Variants in SPAG16 observed in about 807,000 individuals in gnomAD.
SPAG16 encodes sperm associated antigen 16, also known as sperm-associated antigen 16 protein.
A neutral mutation model predicts 80.4 loss-of-function variants in SPAG16; 86 were observed. The ratio of observed to expected loss-of-function variants is 1.07; its 90% CI spans 0.90 to 1.28. The LOEUF (loss-of-function observed/expected upper bound fraction) is 1.28, where lower values mean the gene tolerates loss of function less well. Among genes scored for constraint, SPAG16 ranks in the 50% most tolerant of loss-of-function variants. SPAG16 has a pLI of 0.00. For synonymous variants in SPAG16, 294 were observed against 265.9 expected (o/e 1.11, Z -1.03); for missense variants, 870 against 765.3 (o/e 1.14, Z -1.61).
chr2:213,970,278 A>G (rs1299735963), intron 12 of SPAG16, among the ~76,000 whole-genome samples: 1 of 143,376 alleles, frequency 7.0e-6, no homozygotes, highest in East Asian at 2.1e-4. Flanking sequence ...AAGTAATGCT[A>G]AAAGTTTTGC....
At chr2:213,583,112 A>G (rs1339467186) in intron 10 of SPAG16, among the ~76,000 whole-genome samples, 1 of 152,178 alleles carries the variant, frequency 6.6e-6, no homozygotes, top group Non-Finnish European at 1.5e-5. Context: ...CATAAAGTAG[A>G]GCATCTTAAA....
intron 9 of SPAG16, among the ~76,000 whole-genome samples, chr2:213,470,521 C>A (rs1037037988): frequency 1.3e-5 from 2 of 152,194 alleles, no homozygotes; most frequent in Non-Finnish European, 2.9e-5. Context: ...AACCTGCTAC[C>A]AGGTAGCTGG....
chr2:213,637,377 T>C (rs2125101330), intron 10 of SPAG16, among the ~76,000 whole-genome samples: 1 of 152,362 alleles, frequency 6.6e-6, no homozygotes, highest in East Asian at 1.9e-4. Context: ...TCTATGTTTA[T>C]CAGGCATATT....
chr2:214,211,206 C>T (rs1322297117), intron 15 of SPAG16, among the ~76,000 whole-genome samples: 2 of 152,074 alleles, frequency 1.3e-5, no homozygotes. Context: ...TAGTCTAGTT[C>T]ATGTTGGCTG....
intron 15 of SPAG16, among the ~76,000 whole-genome samples, chr2:214,316,489 C>T (rs988106197): frequency 1.3e-5 from 2 of 152,112 alleles, no homozygotes; most frequent in African/African-American, 2.4e-5. Context: ...TTTACTGTTG[C>T]CTGCAACGTT....
At chr2:213,581,175 G>C (rs942082647) in intron 10 of SPAG16, among the ~76,000 whole-genome samples, 1 of 151,748 alleles carries the variant, frequency 6.6e-6, no homozygotes, top group Non-Finnish European at 1.5e-5. Context: ...ATAATATCTG[G>C]CATCTCTTCT....
intron 9 of SPAG16, among the ~76,000 whole-genome samples, chr2:213,417,935 A>G (rs1575538997): frequency 6.6e-6 from 1 of 150,516 alleles, no homozygotes; most frequent in Non-Finnish European, 1.5e-5. Context: ...GTGCAGTGGC[A>G]CGATCTCGGC....
intron 10 of SPAG16, among the ~76,000 whole-genome samples, chr2:213,816,205 G>C (rs560028217): frequency 3.3e-5 from 5 of 152,192 alleles, no homozygotes; most frequent in Non-Finnish European, 7.4e-5. Context: ...TTTTAAAATA[G>C]TATTTTGTGT....
intron 9 of SPAG16, among the ~76,000 whole-genome samples, chr2:213,456,642 T>C (rs1206409232): frequency 6.6e-6 from 1 of 152,160 alleles, no homozygotes; most frequent in Non-Finnish European, 1.5e-5. Context: ...CGGCTCTTTT[T>C]ATTTCTTTTC....
chr2:213,718,729 G>C (rs886309684), intron 10 of SPAG16, among the ~76,000 whole-genome samples: 1 of 152,182 alleles, frequency 6.6e-6, no homozygotes, highest in Non-Finnish European at 1.5e-5. Context: ...GCCTTCCCGC[G>C]GGGCAGGGCT....
At chr2:213,740,633 C>G (rs751066122) in intron 10 of SPAG16, among the ~76,000 whole-genome samples, 4 of 152,192 alleles carry the variant, frequency 2.6e-5, no homozygotes, top group Non-Finnish European at 5.9e-5. Context: ...ATGCCACAGA[C>G]TTCTACTAGT....
At chr2:214,232,005 A>C (rs1318223661) in intron 15 of SPAG16, among the ~76,000 whole-genome samples, 1 of 152,004 alleles carries the variant, frequency 6.6e-6, no homozygotes, top group Non-Finnish European at 1.5e-5. Context: ...ATGCAATAGT[A>C]GTGGATATGT....
chr2:213,477,149 G>T (rs1029852680), intron 9 of SPAG16, among the ~76,000 whole-genome samples: 1 of 152,158 alleles, frequency 6.6e-6, no homozygotes, highest in Admixed American at 6.6e-5. Context: ...ATAAGATGGG[G>T]ATGGCAGTTT....
At chr2:214,168,020 T>C (rs912511737) in intron 15 of SPAG16, among the ~76,000 whole-genome samples, 6 of 148,650 alleles carry the variant, frequency 4.0e-5, no homozygotes, top group Non-Finnish European at 7.4e-5. Flanking sequence ...AGATAGAGTC[T>C]TGCTCTGTCA....
chr2:214,033,163 A>C (rs4673808), intron 13 of SPAG16, among the ~76,000 whole-genome samples: 4,326 of 152,340 alleles, frequency 0.028, 127 homozygotes, highest in South Asian at 0.15. Context: ...CCGATAAAGT[A>C]GGTGACAACT....
intron 10 of SPAG16, among the ~76,000 whole-genome samples, chr2:213,560,029 A>G (rs1398779781): frequency 1.3e-5 from 2 of 152,124 alleles, no homozygotes; most frequent in African/African-American, 4.8e-5. Context: ...CAGCCTGGAT[A>G]TGGATACATA....
intron 11 of SPAG16, among the ~76,000 whole-genome samples, chr2:213,886,342 C>T (rs1413361321): frequency 6.6e-6 from 1 of 151,990 alleles, no homozygotes; most frequent in Non-Finnish European, 1.5e-5. Flanking sequence ...AAACTAGAAT[C>T]CCTTTGGCCT....
chr2:214,064,894 G>C (rs956568064), intron 13 of SPAG16, among the ~76,000 whole-genome samples: 1 of 151,592 alleles, frequency 6.6e-6, no homozygotes, highest in African/African-American at 2.4e-5. Flanking sequence ...TGCAGTTTTT[G>C]TTTTATTACT....
At position 213,735,670 on chromosome 2, in the gene SPAG16, G is replaced by A. The variant is rs550644535; in HGVS notation, c.1071-126815G>A. Among the ~76,000 whole-genome samples, 7 of 152,286 alleles carry A rather than the reference G, an allele frequency of 4.6e-5. 2 individuals carry two copies. The South Asian group carries it at 1.5e-3, about 32-fold the overall frequency. ...CCACGTTCCTCTCACCAGAATTTAG[G>A]TCCAGCTATGATTGCCACACTTAAG... On this transcript the variant is annotated intron_variant, in intron 10 of 15. Transcript: ENST00000331683.
Sources: allele counts gnomAD v4.1 joint callset (sites outside exome capture counted in the v4.1 genomes callset), GRCh38; gene constraint gnomAD v4.1.1; transcripts MANE v1.5; gene names NCBI Gene and HGNC (gene_info 2026-07-23, HGNC 2026-07-21).